EFL1: variants seen among roughly 807,000 people sequenced by gnomAD.
The protein encoded by EFL1 is elongation factor-like GTPase 1.
Under a neutral mutation model 126.7 loss-of-function variants are expected in EFL1, and 76 were observed. The observed-to-expected ratio is 0.60, with a 90% CI of 0.50 to 0.73. EFL1 has a LOEUF of 0.73. Ranked by LOEUF, EFL1 falls within the 30% of genes least tolerant of loss-of-function variation. EFL1 has a pLI of 0.00. For missense variants in EFL1, 1,128 were observed against 1,343.2 expected (o/e 0.84, Z 2.50); for synonymous variants, 410 against 448.4 (o/e 0.91, Z 1.08).
rs201179657 is a variant in EFL1, at chr15:82,151,447, T to C, written c.2989+18A>G. The C allele has an allele frequency of 1.9e-6, 3 of 1,583,436 alleles. No individual in the cohort carries two copies. Among genetic ancestry groups the C allele is most frequent in the Non-Finnish European group, 2.6e-6 (3 of 1,166,568 alleles). On this transcript the variant is annotated intron_variant, in intron 18 of 19. Transcript: ENST00000268206. The stretch of plus-strand genomic sequence containing the variant: ...TTATTCAGGGCATTTCTCACTATCT[T>C]TACCTTTTCTTCCTTACCGAGAACA...
chr15:82,180,843 C>T (rs2074244962), intron 15 of EFL1, among the ~76,000 whole-genome samples: 1 of 151,934 alleles, frequency 6.6e-6, no homozygotes, highest in Admixed American at 6.6e-5. Context: ...GCCCTCTCAC[C>T]TCAGCCTCCT....
chr15:82,247,624 T>A (rs2074984771), intron 4 of EFL1, among the ~76,000 whole-genome samples: 1 of 152,000 alleles, frequency 6.6e-6, no homozygotes, highest in African/African-American at 2.4e-5. Flanking sequence ...TAGCATTCAC[T>A]TGGAAAAGGT....
chr15:82,247,970 C>CAAGA (rs2074988638), intron 4 of EFL1, among the ~76,000 whole-genome samples: 1 of 152,026 alleles, frequency 6.6e-6, no homozygotes, highest in Non-Finnish European at 1.5e-5. Context: ...GCCTGACTTC[C>CAAGA]AAGAGACTAA....
chr15:82,133,195 C>T (rs900956712), intron 19 of EFL1, among the ~76,000 whole-genome samples: 11 of 152,194 alleles, frequency 7.2e-5, no homozygotes, highest in African/African-American at 2.7e-4. Context: ...ATATACAGAG[C>T]AGAAGAAAGG....
At chr15:82,209,476 C>T (rs1416354950) in intron 15 of EFL1, among the ~76,000 whole-genome samples, 4 of 152,076 alleles carry the variant, frequency 2.6e-5, no homozygotes, top group Non-Finnish European at 2.9e-5. Flanking sequence ...ATCATGTTTC[C>T]TCTCAGAATA....
At chr15:82,137,586 T>C (rs1332815182) in intron 19 of EFL1, among the ~76,000 whole-genome samples, 2 of 152,154 alleles carry the variant, frequency 1.3e-5, no homozygotes, top group Non-Finnish European at 2.9e-5. Flanking sequence ...TTTGTCCAAA[T>C]AAATAGAAGA....
At chr15:82,183,629 G>A (rs752304731) in intron 15 of EFL1, among the ~76,000 whole-genome samples, 7 of 152,152 alleles carry the variant, frequency 4.6e-5, no homozygotes, top group South Asian at 2.1e-4. Context: ...AATAATAAAG[G>A]TTCTAAAGAT....
chr15:82,172,945 T>TA (rs1211757594), intron 15 of EFL1, among the ~76,000 whole-genome samples: 2 of 152,242 alleles, frequency 1.3e-5, no homozygotes, highest in Non-Finnish European at 2.9e-5. Flanking sequence ...CAGATTATTT[T>TA]ATCTTTGAAT....
intron 15 of EFL1, among the ~76,000 whole-genome samples, chr15:82,190,508 T>C (rs1269839891): frequency 6.6e-6 from 1 of 152,210 alleles, no homozygotes; most frequent in East Asian, 1.9e-4. Context: ...GAGGGAAGTA[T>C]CCATGTTTGT....
intron 16 of EFL1, among the ~76,000 whole-genome samples, chr15:82,161,406 GA>G (rs2074022991): frequency 6.6e-6 from 1 of 152,114 alleles, no homozygotes; most frequent in African/African-American, 2.4e-5. Context: ...AATATCCTCT[GA>G]AAGCTCATAG....
intron 19 of EFL1, among the ~76,000 whole-genome samples, chr15:82,136,190 G>A (rs1207935224): frequency 6.6e-6 from 1 of 151,930 alleles, no homozygotes; most frequent in Non-Finnish European, 1.5e-5. Flanking sequence ...TTGAATATAC[G>A]AATTCAAATG....
intron 19 of EFL1, among the ~76,000 whole-genome samples, chr15:82,136,234 G>C (rs1471536938): frequency 1.3e-5 from 2 of 152,122 alleles, no homozygotes; most frequent in Non-Finnish European, 2.9e-5. Context: ...CATTACAACA[G>C]CTCTGAATGC....
chr15:82,248,134 G>A lies in EFL1; in HGVS notation c.244+4557C>T, dbSNP rs537925281. 4.6e-4 allele frequency among the ~76,000 whole-genome samples: 70 copies of A among 152,228 alleles called. No homozygotes were observed. In the Middle Eastern group the frequency reaches 0.017, roughly 37 times the overall value. On this transcript the variant is annotated intron_variant, in intron 4 of 19. Transcript: ENST00000268206. ...ATACCCATCACAGAGTTGCTGTGAA[G>A]ATTAAACAAAATCAGGCATATGAGA...
chr15:82,245,704 G>A (rs2074966049), intron 4 of EFL1, among the ~76,000 whole-genome samples: 2 of 152,054 alleles, frequency 1.3e-5, no homozygotes, highest in South Asian at 4.2e-4. Context: ...GCTTTGGAAG[G>A]CCAAAACAGG....
chr15:82,178,974 T>TA lies in EFL1; in HGVS notation c.1751-14991dup, dbSNP rs1271753815. Among the ~76,000 whole-genome samples, 51 of 151,420 alleles carry TA rather than the reference T, an allele frequency of 3.4e-4. 1 individual carries two copies. Among genetic ancestry groups the TA allele is most frequent in the Admixed American group, 1.3e-4 (2 of 15,176 alleles). On this transcript the variant is annotated intron_variant, in intron 15 of 19. Transcript: ENST00000268206. ...TAGCAAGACTCTGTCTCAAAACAAATAAAAAATAAAAAAATAAAAATTACC... is the reference window on the plus strand; with the variant it reads ...TAGCAAGACTCTGTCTCAAAACAAATAAAAAAATAAAAAAATAAAAATTACC...
Position 82,156,756 on chromosome 15 carries a change from T to C in EFL1, c.2030+957A>G, listed in dbSNP as rs72749537. ...ATTATTATTTTTGTTATGATTATGATTATAGTCCCAGAAATTTTAAAAACA... is the reference window on the plus strand; with the variant it reads ...ATTATTATTTTTGTTATGATTATGACTATAGTCCCAGAAATTTTAAAAACA... On this transcript the variant is annotated intron_variant, in intron 17 of 19. Transcript: ENST00000268206. Among the ~76,000 whole-genome samples the C allele has an allele frequency of 6.9e-3, 1,052 of 152,314 alleles. 10 individuals are homozygous for C. The highest frequency in any genetic ancestry group is 8.1e-3 in the Non-Finnish European group (554 of 68,028).
At chr15:82,138,567 T>G in intron 19 of EFL1, 91 bp downstream of exon 19, 2 of 1,459,396 alleles carry the variant, frequency 1.4e-6, no homozygotes, top group Non-Finnish European at 1.9e-6. Context: ...CCAAATGGCA[T>G]GATCTGTGTT....
intron 18 of EFL1, among the ~76,000 whole-genome samples, chr15:82,147,627 G>GAAAAAA (rs375857086): frequency 4.8e-5 from 4 of 83,940 alleles, no homozygotes; most frequent in Non-Finnish European, 7.1e-5. Flanking sequence ...GGGCAATAGT[G>GAAAAAA]AAAAAAAAAA....
intron 18 of EFL1, among the ~76,000 whole-genome samples, chr15:82,145,671 A>T (rs1043940679): frequency 6.6e-6 from 1 of 151,582 alleles, no homozygotes; most frequent in Non-Finnish European, 1.5e-5. Flanking sequence ...CATCTCTACT[A>T]AAAATACAAA....
Sources: allele counts gnomAD v4.1 joint callset (sites outside exome capture counted in the v4.1 genomes callset), GRCh38; gene constraint gnomAD v4.1.1; transcripts MANE v1.5; gene names NCBI Gene and HGNC (gene_info 2026-07-23, HGNC 2026-07-21).